The following CFAP100 variants were observed in gnomAD, a reference collection of about 807,000 sequenced individuals.
CFAP100 encodes the protein cilia and flagella associated protein 100.
CFAP100 carries 70 observed loss-of-function variants against 81.5 expected under a neutral mutation model. The ratio of observed to expected loss-of-function variants is 0.86; its 90% CI spans 0.71 to 1.05. The LOEUF (loss-of-function observed/expected upper bound fraction) is 1.05, where lower values mean the gene tolerates loss of function less well. Among genes scored for constraint, CFAP100 ranks in the 50% least tolerant of loss-of-function variants. The pLI is 0.00. For missense variants in CFAP100, 811 were observed against 776.5 expected, an observed-to-expected ratio of 1.04 and a Z score of -0.53; for synonymous variants, 341 against 314.8, an observed-to-expected ratio of 1.08 and a Z score of -0.88.
chr3:126,416,268 CG>C (rs2083237612), intron 4 of CFAP100, 47 bp from the exon 5 acceptor site: 2 of 1,395,606 alleles, frequency 1.4e-6, no homozygotes, highest in Non-Finnish European at 2.0e-6. Flanking sequence ...GAGGCCTGGA[CG>C]CGGGTGGGGA....
At chr3:126,404,041 C>G (rs915872899) in intron 2 of CFAP100, among the ~76,000 whole-genome samples, 6 of 152,258 alleles carry the variant, frequency 3.9e-5, no homozygotes, top group African/African-American at 1.2e-4. Context: ...TCTCAAGAAT[C>G]GTCTAGAAAC....
intron 3 of CFAP100, among the ~76,000 whole-genome samples, chr3:126,410,187 C>A (rs543753427): frequency 6.6e-6 from 1 of 152,074 alleles, no homozygotes; most frequent in Non-Finnish European, 1.5e-5. Flanking sequence ...GGCAAAAGAG[C>A]GAGACTCCGT....
chr3:126,399,675 C>A (rs1368071171), intron 2 of CFAP100, among the ~76,000 whole-genome samples: 2 of 152,184 alleles, frequency 1.3e-5, no homozygotes, highest in African/African-American at 4.8e-5. Flanking sequence ...CTCTGGGAAT[C>A]CCTCCCCTGA....
chr3:126,403,736 C>G (rs1297286053), intron 2 of CFAP100, among the ~76,000 whole-genome samples: 1 of 152,126 alleles, frequency 6.6e-6, no homozygotes, highest in Non-Finnish European at 1.5e-5. Context: ...CTTTTCCTAT[C>G]TCTCCTGAAT....
chr3:126,416,227 C>CCGCGTTCCCGGCCTCAGGTCCG (rs1553790200), intron 4 of CFAP100, 89 bp from the exon 5 acceptor site: 4 of 1,096,168 alleles, frequency 3.6e-6, no homozygotes, highest in African/African-American at 3.2e-5. Flanking sequence ...GCGCGCAAAC[C>CCGCGTTCCCGGCCTCAGGTCCG]CGCGTCCCTA....
chr3:126,419,191 C>T lies in CFAP100; in HGVS notation c.731+35C>T, dbSNP rs765105351. ...GAGGGCATGCTGGCCATTGGCTGGC[C>T]CACCTCCTGGTCCCTCAGTCATTTT... On this transcript the variant is annotated intron_variant, in intron 8 of 16. Transcript: ENST00000352312. The T allele has an allele frequency of 1.4e-5, 20 of 1,390,082 alleles. No homozygotes were observed. In the South Asian group the frequency reaches 2.3e-4, roughly 16 times the overall value. 86.1% of individuals were successfully genotyped at this position (1,390,082 alleles called of 1,614,324 possible). A position where few individuals can be genotyped will look rare whatever the true frequency, so the allele number is the denominator to read the frequency against.
chr3:126,399,985 C>T (rs537888171), intron 2 of CFAP100, among the ~76,000 whole-genome samples: 13 of 152,254 alleles, frequency 8.5e-5, no homozygotes, highest in Non-Finnish European at 1.5e-4. Flanking sequence ...GCCGGCTCAG[C>T]GGCTGGCCAT....
chr3:126,411,374 T>TTTG (rs1256865936), intron 3 of CFAP100, among the ~76,000 whole-genome samples: 6 of 140,876 alleles, frequency 4.3e-5, no homozygotes, highest in African/African-American at 1.6e-4. Flanking sequence ...TTTTTTTTTT[T>TTTG]TTTTTTTTTT....
chr3:126,432,910 A>G (rs140835434), intron 13 of CFAP100, 159 bp from the exon 14 acceptor site: 143 of 590,370 alleles, frequency 2.4e-4, no homozygotes, highest in African/African-American at 2.4e-3. Context: ...TTCTACCAGC[A>G]TTTCTGACCC....
At chr3:126,426,764 A>C (rs933793244) in intron 13 of CFAP100, among the ~76,000 whole-genome samples, 9 of 152,184 alleles carry the variant, frequency 5.9e-5, no homozygotes, top group African/African-American at 2.2e-4. Flanking sequence ...ATAAATAAAT[A>C]ATAAAAATTA....
intron 13 of CFAP100, among the ~76,000 whole-genome samples, chr3:126,429,932 G>C (rs1372702667): frequency 6.6e-6 from 1 of 152,046 alleles, no homozygotes; most frequent in Non-Finnish European, 1.5e-5. Context: ...GTTTTCCTGC[G>C]TATAGTATTC....
At position 126,396,047 on chromosome 3, in the gene CFAP100, A is replaced by G; in HGVS notation, c.47A>G (p.Asp16Gly). ...ATAGTCTCCAAGAACATGACCAATGACAGTAAGTACCGGGCCAGGGTGGGC... is the reference window on the plus strand; with the variant it reads ...ATAGTCTCCAAGAACATGACCAATGGCAGTAAGTACCGGGCCAGGGTGGGC... ...STIVSKNMTN[D>G]KNSLESMNIS... The change falls in exon 2 of 17, where the codon GAC (aspartate) becomes GGC (glycine). Residue 16 changes from aspartate to glycine, a missense_variant and splice_region_variant. Transcript: ENST00000352312. The G allele has an allele frequency of 8.1e-6, 13 of 1,613,778 alleles. No individual in the cohort carries two copies. The highest frequency in any genetic ancestry group is 1.1e-5 in the Non-Finnish European group (13 of 1,179,678).
chr3:126,434,226 C>G lies in CFAP100; in HGVS notation c.1473C>G (p.His491Gln). 1 of 1,613,840 alleles carries G rather than the reference C, an allele frequency of 6.2e-7. No homozygotes were observed. Among genetic ancestry groups the G allele is most frequent in the East Asian group, 2.2e-5 (1 of 44,882 alleles). ...GCAAGGTGCTGGATGTGTACCGGCA[C>G]TGCACCGGCACCCAGCAGGAGGCCA... ...LNCKVLDVYR[H>Q]CTGTQQEANL... The change falls in exon 15 of 17, where the codon CAC becomes CAG. Residue 491 changes from histidine to glutamine, a missense_variant. Physicochemically the swap from His to Gln is conservative, Grantham distance 24. Transcript: ENST00000352312.
At chr3:126,398,424 T>G (rs2082922538) in intron 2 of CFAP100, among the ~76,000 whole-genome samples, 1 of 152,174 alleles carries the variant, frequency 6.6e-6, no homozygotes, top group South Asian at 2.1e-4. Flanking sequence ...GGTACAAGAC[T>G]CCAGAAGGAG....
chr3:126,420,981 G>C (rs2083322802), intron 11 of CFAP100: 1 of 152,194 alleles, frequency 6.6e-6, no homozygotes, highest in Non-Finnish European at 1.5e-5. Context: ...TCTTCTTCCA[G>C]TTTGCATCTT....
At chr3:126,400,378 C>A (rs1335160199) in intron 2 of CFAP100, among the ~76,000 whole-genome samples, 1 of 152,104 alleles carries the variant, frequency 6.6e-6, no homozygotes, top group East Asian at 1.9e-4. Flanking sequence ...ACAAAAATAA[C>A]AGGTGTTGGC....
In CFAP100 at chr3:126,400,134, T is replaced by C. The variant is rs115462612; in HGVS notation, c.49+4085T>C. On this transcript the variant is annotated intron_variant, in intron 2 of 16. Coordinates refer to ENST00000352312, the MANE Select transcript of CFAP100 (RefSeq NM_182628.3). ...TTAGAAATCTTTGACAAATGATTGA[T>C]ATCAAGAATATAGAAAGAAATCCTA... Among the ~76,000 whole-genome samples the C allele has an allele frequency of 2.9e-3, 439 of 152,300 alleles. 2 individuals carry two copies. Among genetic ancestry groups the C allele is most frequent in the African/African-American group, 0.01 (416 of 41,576 alleles).
chr3:126,428,700 T>C (rs1411592887), intron 13 of CFAP100, among the ~76,000 whole-genome samples: 13 of 152,240 alleles, frequency 8.5e-5, no homozygotes, highest in Non-Finnish European at 7.4e-5. Flanking sequence ...TCATAGGGGA[T>C]ATTGGCCTAA....
chr3:126,420,080 A>T, intron 10 of CFAP100, 23 bp from the exon 11 acceptor site: 1 of 1,613,298 alleles, frequency 6.2e-7, no homozygotes, highest in Non-Finnish European at 8.5e-7. Context: ...AGGGCTCGGA[A>T]ACTATTCCTC....
Sources: allele counts gnomAD v4.1 joint callset (sites outside exome capture counted in the v4.1 genomes callset), GRCh38; gene constraint gnomAD v4.1.1; transcripts MANE v1.5; gene names NCBI Gene and HGNC (gene_info 2026-07-23, HGNC 2026-07-21).